Variants in SLC2A7 observed in about 807,000 individuals in gnomAD.
SLC2A7 encodes the protein solute carrier family 2, facilitated glucose transporter member 7.
In SLC2A7, 50 loss-of-function variants were observed where a neutral mutation model predicts 50.5. The ratio of observed to expected loss-of-function variants is 0.99; its 90% CI spans 0.79 to 1.25. The LOEUF (loss-of-function observed/expected upper bound fraction) is 1.25, where lower values mean the gene tolerates loss of function less well. Among genes scored for constraint, SLC2A7 ranks in the 50% most tolerant of loss-of-function variants. The pLI is 0.00. For missense variants in SLC2A7, 683 were observed against 679.1 expected, an observed-to-expected ratio of 1.01 and a Z score of -0.06; for synonymous variants, 308 against 300.4, an observed-to-expected ratio of 1.03 and a Z score of -0.26.
intron 7 of SLC2A7, among the ~76,000 whole-genome samples, chr1:9,013,956 A>G (rs918691996): frequency 1.3e-5 from 2 of 152,160 alleles, no homozygotes; most frequent in African/African-American, 4.8e-5. Flanking sequence ...CTCAGATCCC[A>G]AAGAATGACT....
intron 9 of SLC2A7, among the ~76,000 whole-genome samples, chr1:9,009,638 T>C (rs1468831006): frequency 6.6e-6 from 1 of 152,122 alleles, no homozygotes; most frequent in Non-Finnish European, 1.5e-5. Flanking sequence ...TTGTATTTTT[T>C]GTAGAGATGG....
intron 3 of SLC2A7, among the ~76,000 whole-genome samples, chr1:9,022,299 A>T (rs1159651168): frequency 6.6e-6 from 1 of 152,216 alleles, no homozygotes; most frequent in Non-Finnish European, 1.5e-5. Context: ...GCCCAGGCTC[A>T]CGCTTTGCCC....
At chr1:9,005,229 G>T (rs1640637633) in intron 10 of SLC2A7, among the ~76,000 whole-genome samples, 1 of 152,180 alleles carries the variant, frequency 6.6e-6, no homozygotes, top group African/African-American at 2.4e-5. Context: ...AGAGCTTTCT[G>T]AAAGAGCTTC....
rs1332560974 is a variant in SLC2A7 at position 9,003,754 on chromosome 1, A to G, written c.1321-236T>C. The stretch of plus-strand genomic sequence containing the variant: ...ACACCTGTAATCCCAGCTACTTGGG[A>G]GTCTGAGGCAGGAGAATCGCTTGAA... On this transcript the variant is annotated intron_variant, in intron 11 of 11. Coordinates refer to ENST00000400906, the MANE Select transcript of SLC2A7 (RefSeq NM_207420.3). Among the ~76,000 whole-genome samples, 3 of 152,164 alleles carry G rather than the reference A, an allele frequency of 2.0e-5. No individual in the cohort carries two copies. The East Asian group carries it at 5.8e-4, about 29-fold the overall frequency.
At chr1:9,009,233 A>T (rs889361496) in intron 9 of SLC2A7, among the ~76,000 whole-genome samples, 2 of 152,254 alleles carry the variant, frequency 1.3e-5, no homozygotes, top group Admixed American at 1.3e-4. Flanking sequence ...GGCTCAGGAC[A>T]GTGCTGCCGT....
the SLC2A7 span, among the ~76,000 whole-genome samples, chr1:8,996,160 G>A: frequency 6.6e-6 from 1 of 152,072 alleles, no homozygotes; most frequent in Non-Finnish European, 1.5e-5. Flanking sequence ...ACCTCAGCAT[G>A]ATAATAAACA....
At position 9,018,107 on chromosome 1, in the gene SLC2A7, C is replaced by T. The variant is rs1640856743; in HGVS notation, c.589+116G>A. The T allele has an allele frequency of 3.5e-6, 5 of 1,425,136 alleles. No individual in the cohort carries two copies. The South Asian group carries it at 5.4e-5, about 15-fold the overall frequency. The allele number at this position is 1,425,136 out of a possible 1,614,324, so 88.3% of individuals were successfully genotyped here. ...CCCATCCCTTTGCCCACCACACTGCCCAACACCTGACCCTAAAATCATCTC... is the reference window on the plus strand; with the variant it reads ...CCCATCCCTTTGCCCACCACACTGCTCAACACCTGACCCTAAAATCATCTC... On this transcript the variant is annotated intron_variant, in intron 5 of 11. Coordinates refer to ENST00000400906, the MANE Select transcript of SLC2A7 (RefSeq NM_207420.3).
downstream of SLC2A7, among the ~76,000 whole-genome samples, chr1:9,000,852 G>T (rs1287238819): frequency 6.6e-6 from 1 of 151,690 alleles, no homozygotes; most frequent in East Asian, 1.9e-4. Context: ...CCCAGGCTGA[G>T]TGTCAGTTTC....
rs1052025008 is a variant in SLC2A7, at chr1:9,008,399, G to A, written c.1117-1014C>T. ...CGAGGCTGGCTGGGTTGGTGGGGCC[G>A]CCCTGGACCCGGTGTGAAGCGAGCA... is the stretch of plus-strand genomic sequence containing the variant. On this transcript the variant is annotated intron_variant, in intron 9 of 11. Coordinates refer to ENST00000400906, the MANE Select transcript of SLC2A7 (RefSeq NM_207420.3). This position sits in a 1 kb window ranked among gnomAD's most constrained non-coding sequence, Gnocchi z 5.9. Among the ~76,000 whole-genome samples, 13 of 152,206 alleles carry A rather than the reference G, an allele frequency of 8.5e-5. No homozygotes were observed. Among genetic ancestry groups the A allele is most frequent in the South Asian group, 2.1e-4 (1 of 4,822 alleles).
Position 9,023,237 on chromosome 1 carries a change from T to A in SLC2A7, c.151-159A>T, listed in dbSNP as rs1640940951. Among the ~76,000 whole-genome samples the A allele has an allele frequency of 2.0e-5, 3 of 152,080 alleles. No homozygotes were observed. In the South Asian group the frequency reaches 6.2e-4, roughly 32 times the overall value. ...CTGATTCCCTACTATTACCTGAGAATCAAAAAATCTACTATATGATGGGTT... is the reference window on the plus strand; with the variant it reads ...CTGATTCCCTACTATTACCTGAGAAACAAAAAATCTACTATATGATGGGTT... On this transcript the variant is annotated intron_variant, in intron 2 of 11. Transcript: ENST00000400906.
At chr1:9,011,697 TC>T (rs1260908065) in intron 8 of SLC2A7, among the ~76,000 whole-genome samples, 4 of 150,524 alleles carry the variant, frequency 2.7e-5, no homozygotes, top group African/African-American at 9.7e-5. Context: ...CTCCCTGTGA[TC>T]AGCATTCTTT....
chr1:9,022,882 T>A, intron 3 of SLC2A7, 36 bp downstream of exon 3: 1 of 1,607,070 alleles, frequency 6.2e-7, no homozygotes, highest in Non-Finnish European at 8.5e-7. Flanking sequence ...CTTACTAGCA[T>A]GAATTTTAAG....
Position 9,019,253 on chromosome 1 carries a change from A to G in SLC2A7, c.392T>C (p.Phe131Ser). 2 of 1,614,126 alleles carry G rather than the reference A, an allele frequency of 1.2e-6. No homozygotes were observed. Among genetic ancestry groups the G allele is most frequent in the Non-Finnish European group, 1.7e-6 (2 of 1,179,994 alleles). Residue 131 changes from phenylalanine (F) to serine (S), a missense_variant, in exon 4 of 12, where the codon TTT (phenylalanine) becomes TCT (serine). Coordinates refer to ENST00000400906, the MANE Select transcript of SLC2A7 (RefSeq NM_207420.3). ...CACTCGGGAAAAGACGATCAGCTCA[A>G]AAGCCTTGGCCACTTTGCTGACTCC... The part of the protein sequence containing the change: ...LMGVSKVAKA[F>S]ELIVFSRVVL...
intron 10 of SLC2A7, among the ~76,000 whole-genome samples, chr1:9,005,280 T>C (rs567262743): frequency 6.6e-5 from 10 of 152,188 alleles, no homozygotes; most frequent in Non-Finnish European, 1.0e-4. Flanking sequence ...CGCCCGCGCT[T>C]GGGAAGTGCC....
chr1:9,012,524 T>G (rs1640763288), intron 8 of SLC2A7, among the ~76,000 whole-genome samples: 1 of 152,188 alleles, frequency 6.6e-6, no homozygotes, highest in African/African-American at 2.4e-5. Flanking sequence ...TTTCCTTAAC[T>G]TCTCCCTCCC....
intron 8 of SLC2A7, among the ~76,000 whole-genome samples, chr1:9,013,246 C>T (rs533076251): frequency 1.3e-5 from 2 of 152,154 alleles, no homozygotes; most frequent in South Asian, 2.1e-4. Flanking sequence ...CCAGGCTGGT[C>T]TCAAACTCCC....
chr1:8,997,764 T>A, the SLC2A7 span, among the ~76,000 whole-genome samples: 1 of 152,240 alleles, frequency 6.6e-6, no homozygotes, highest in African/African-American at 2.4e-5. Flanking sequence ...CTCAGATATA[T>A]GATTTGCAAT....
chr1:9,003,676 G>A (rs1640608457), intron 11 of SLC2A7, among the ~76,000 whole-genome samples, 158 bp from the exon 12 acceptor site: 1 of 151,962 alleles, frequency 6.6e-6, no homozygotes, highest in African/African-American at 2.4e-5. Context: ...TGGCCAACAT[G>A]ATGAAACCCT....
rs149870338 is a variant in SLC2A7 at position 9,004,832 on chromosome 1, G to C, written c.1240C>G (p.Arg414Gly). Residue 414 changes from arginine to glycine, a missense_variant, in exon 11 of 12, where the codon CGG (arginine) becomes GGG (glycine). Arg to Gly is a moderately radical substitution (Grantham distance 125, BLOSUM62 -2). Transcript: ENST00000400906. ...CCGTCCACCATGAAAGCTGCCCGCC[G>C]GGAGGACTGCAGGAAGATCTCGGTC... Reference protein sequence around the residue: ...VRTEIFLQSSRRAAFMVDGAV... With the variant: ...VRTEIFLQSSGRAAFMVDGAV... 8 of 1,614,072 alleles carry C rather than the reference G, an allele frequency of 5.0e-6. No homozygotes were observed. Among genetic ancestry groups the C allele is most frequent in the Non-Finnish European group, 6.8e-6 (8 of 1,179,970 alleles).
Sources: gnomAD v4.1 joint callset for allele counts (sites outside exome capture counted in the v4.1 genomes callset) on GRCh38, gnomAD v4.1.1 for gene constraint, Gnocchi (gnomAD v3.1) non-coding constraint, MANE v1.5 for transcripts, NCBI Gene and HGNC (gene_info 2026-07-23, HGNC 2026-07-21) for gene names.